Variants in DIS3L2 observed in about 807,000 individuals in gnomAD.
DIS3L2 encodes DIS3-like exonuclease 2.
DIS3L2 carries 34 observed loss-of-function variants against 97.5 expected under a neutral mutation model. The ratio of observed to expected loss-of-function variants is 0.35; its 90% confidence interval spans 0.27 to 0.46. DIS3L2 has a LOEUF of 0.46. Among genes scored for constraint, DIS3L2 ranks in the 20% least tolerant of loss-of-function variants. The pLI, the probability that DIS3L2 is intolerant of heterozygous loss-of-function variation, is 1.00. For missense variants in DIS3L2, 1,038 were observed against 1,146.0 expected (o/e 0.91, Z 1.36); for synonymous variants, 435 against 445.2 (o/e 0.98, Z 0.29).
chr2:231,989,289 G>T (rs945050610), intron 1 of DIS3L2, among the ~76,000 whole-genome samples: 2 of 151,664 alleles, frequency 1.3e-5, no homozygotes, highest in African/African-American at 4.8e-5. Context: ...AGAATATTTT[G>T]CCAGTGTGAC....
chr2:232,155,391 AT>A (rs1399755977), intron 8 of DIS3L2, among the ~76,000 whole-genome samples: 1 of 152,080 alleles, frequency 6.6e-6, no homozygotes, highest in Non-Finnish European at 1.5e-5. Flanking sequence ...TTGTGGAGGA[AT>A]TTCTCCATCT....
intron 14 of DIS3L2, among the ~76,000 whole-genome samples, chr2:232,314,754 G>A (rs546039898): frequency 2.6e-5 from 4 of 152,356 alleles, no homozygotes; most frequent in East Asian, 1.9e-4. Flanking sequence ...ATGGACTGCA[G>A]CTCCCTCCAT....
chr2:232,163,361 T>G, intron 8 of DIS3L2, 98 bp from the exon 9 acceptor site: 3 of 1,302,704 alleles, frequency 2.3e-6, no homozygotes. Context: ...GGGCAGGAGA[T>G]TTTAAACTTT....
intron 13 of DIS3L2, among the ~76,000 whole-genome samples, chr2:232,290,643 A>G (rs1397825219): frequency 6.6e-6 from 1 of 152,208 alleles, no homozygotes; most frequent in Non-Finnish European, 1.5e-5. Context: ...GTAAAACCTC[A>G]GCATTGAAGA....
At chr2:232,106,157 G>T (rs927656104) in intron 6 of DIS3L2, among the ~76,000 whole-genome samples, 1 of 152,012 alleles carries the variant, frequency 6.6e-6, no homozygotes, top group Non-Finnish European at 1.5e-5. Context: ...TCATGACAAG[G>T]TATTGACTCA....
At chr2:232,002,050 A>G (rs1237105942) in intron 1 of DIS3L2, among the ~76,000 whole-genome samples, 1 of 151,946 alleles carries the variant, frequency 6.6e-6, no homozygotes, top group Non-Finnish European at 1.5e-5. Flanking sequence ...TGGTTTTTGT[A>G]TATGTTGTGA....
intron 10 of DIS3L2, among the ~76,000 whole-genome samples, chr2:232,230,855 C>T (rs1692768684): frequency 6.6e-6 from 1 of 152,132 alleles, no homozygotes; most frequent in South Asian, 2.1e-4. Flanking sequence ...CTCCCTGCTT[C>T]CACTTCTTCC....
chr2:232,334,564 A>G, intron 18 of DIS3L2, 65 bp downstream of exon 18: 1 of 1,605,360 alleles, frequency 6.2e-7, no homozygotes, highest in Non-Finnish European at 8.5e-7. Flanking sequence ...GCACCTGCTC[A>G]CCAGGAGGCC....
chr2:232,261,345 G>A (rs980041552), intron 12 of DIS3L2, among the ~76,000 whole-genome samples: 3 of 152,068 alleles, frequency 2.0e-5, no homozygotes, highest in Non-Finnish European at 4.4e-5. Flanking sequence ...CCCTACAACT[G>A]CCACACAGCC....
At chr2:232,030,998 G>A (rs1694790697) in intron 5 of DIS3L2, among the ~76,000 whole-genome samples, 1 of 152,078 alleles carries the variant, frequency 6.6e-6, no homozygotes, top group Non-Finnish European at 1.5e-5. Context: ...TTTAGGCTAG[G>A]CTACTTAGAT....
chr2:232,209,912 C>T (rs191956828), intron 9 of DIS3L2, among the ~76,000 whole-genome samples: 3 of 152,210 alleles, frequency 2.0e-5, no homozygotes, highest in East Asian at 1.9e-4. Context: ...AGTTTTTTTG[C>T]GAAGCTTATT....
intron 10 of DIS3L2, among the ~76,000 whole-genome samples, chr2:232,234,674 G>T (rs1047855912): frequency 6.6e-6 from 1 of 152,214 alleles, no homozygotes; most frequent in African/African-American, 2.4e-5. Flanking sequence ...TTACATTTAT[G>T]TAGTTGTTAT....
chr2:231,975,256 C>G (rs1311545617), intron 1 of DIS3L2, among the ~76,000 whole-genome samples: 1 of 152,076 alleles, frequency 6.6e-6, no homozygotes, highest in Non-Finnish European at 1.5e-5. Context: ...ATAATGAGGT[C>G]ACTAGCATGA....
chr2:232,078,355 C>T lies in DIS3L2; in HGVS notation c.367-9132C>T, dbSNP rs115600420. Among the ~76,000 whole-genome samples, 490 of 152,242 alleles carry T rather than the reference C, an allele frequency of 3.2e-3. 5 individuals are homozygous for T. The highest frequency in any genetic ancestry group is 0.011 in the African/African-American group (440 of 41,552). ...CACCTCGCCCAGCCTAGAGTATTTT[C>T]TATCTGCTTGTAGATATGCCCTTCC... On this transcript the variant is annotated intron_variant, in intron 5 of 20. Coordinates refer to ENST00000325385, the MANE Select transcript of DIS3L2 (RefSeq NM_152383.5).
intron 15 of DIS3L2, 60 bp downstream of exon 15, chr2:232,330,056 G>A (rs766024390): frequency 4.8e-5 from 75 of 1,549,312 alleles, no homozygotes; most frequent in Non-Finnish European, 6.3e-5. Context: ...GAAAGACCTG[G>A]AAGGTGGGGT....
intron 9 of DIS3L2, among the ~76,000 whole-genome samples, chr2:232,208,344 TCTGTTGCC>T (rs1024281743): frequency 6.6e-6 from 1 of 152,008 alleles, no homozygotes; most frequent in African/African-American, 2.4e-5. Context: ...CAAGTCTTGC[TCTGTTGCC>T]CAGGCTGGAA....
chr2:232,097,497 G>GA (rs889176871), intron 6 of DIS3L2, among the ~76,000 whole-genome samples: 1 of 152,164 alleles, frequency 6.6e-6, no homozygotes, highest in African/African-American at 2.4e-5. Flanking sequence ...TCCACAGGCA[G>GA]AGGAGCCTCA....
intron 10 of DIS3L2, among the ~76,000 whole-genome samples, chr2:232,219,695 C>T (rs1177311002): frequency 6.6e-6 from 1 of 152,088 alleles, no homozygotes; most frequent in Non-Finnish European, 1.5e-5. Context: ...CCTCTTATTT[C>T]CTTGCCAGGT....
chr2:232,076,242 A>C (rs1316176528), intron 5 of DIS3L2, among the ~76,000 whole-genome samples: 3 of 152,106 alleles, frequency 2.0e-5, no homozygotes, highest in African/African-American at 7.2e-5. Context: ...GTTCTTTCTC[A>C]GCTTAGATAC....
Sources: gnomAD v4.1 joint callset for allele counts (sites outside exome capture counted in the v4.1 genomes callset) on GRCh38, gnomAD v4.1.1 for gene constraint, MANE v1.5 for transcripts, NCBI Gene and HGNC (gene_info 2026-07-23, HGNC 2026-07-21) for gene names.